FBXL20: variants seen among roughly 807,000 people sequenced by gnomAD.
FBXL20 encodes F-box/LRR-repeat protein 20.
Under a neutral mutation model 64.0 loss-of-function variants are expected in FBXL20, and 11 were observed. The ratio of observed to expected loss-of-function variants is 0.17; its 90% CI spans 0.11 to 0.28. The LOEUF (loss-of-function observed/expected upper bound fraction) is 0.28. Among genes scored for constraint, FBXL20 ranks in the 10% least tolerant of loss-of-function variants. FBXL20 has a pLI of 1.00. For missense variants in FBXL20, 303 were observed against 526.2 expected (o/e 0.58, Z 4.15); for synonymous variants, 184 against 189.0 (o/e 0.97, Z 0.22).
chr17:39,394,971 A>T (rs1368447222), intron 1 of FBXL20, among the ~76,000 whole-genome samples: 2 of 152,212 alleles, frequency 1.3e-5, no homozygotes, highest in Non-Finnish European at 2.9e-5. Flanking sequence ...GTAAGAAAGC[A>T]CTTATAAATT....
chr17:39,307,970 CAAAAAA>C (rs141151872), intron 2 of FBXL20, among the ~76,000 whole-genome samples: 1 of 87,604 alleles, frequency 1.1e-5, no homozygotes, highest in Non-Finnish European at 2.6e-5. Context: ...GACATCATTT[CAAAAAA>C]AAAAAAAAAA....
At chr17:39,311,680 G>A (rs1289516222) in intron 2 of FBXL20, among the ~76,000 whole-genome samples, 1 of 152,056 alleles carries the variant, frequency 6.6e-6, no homozygotes, top group Non-Finnish European at 1.5e-5. Context: ...TTGATGAAAT[G>A]CTGCTGCTTT....
intron 1 of FBXL20, among the ~76,000 whole-genome samples, chr17:39,372,516 C>CAAAA (rs747264126): frequency 3.2e-4 from 13 of 41,160 alleles, no homozygotes; most frequent in African/African-American, 8.3e-4. Flanking sequence ...AGACTCTGAC[C>CAAAA]AAAAAAAAAA....
rs2144315588 is a variant in FBXL20 at position 39,255,281 on chromosome 17, C to G, written c.*6179G>C. On this transcript the variant is annotated 3_prime_UTR_variant, in exon 15 of 15. Coordinates refer to ENST00000264658, the MANE Select transcript of FBXL20 (RefSeq NM_032875.3). ...TGAAACCCCGTCTCTACTAAAAATA[C>G]AAAAAATTAGCCGGGCGTGGTGGCG... 6.6e-6 allele frequency: 1 copy of G among 152,014 alleles called. No homozygotes were observed. Among genetic ancestry groups the G allele is most frequent in the East Asian group, 1.9e-4 (1 of 5,140 alleles). 9.4% of individuals were successfully genotyped at this position (152,014 alleles called of 1,614,324 possible).
At chr17:39,335,430 A>C (rs2144551373) in intron 2 of FBXL20, among the ~76,000 whole-genome samples, 1 of 152,112 alleles carries the variant, frequency 6.6e-6, no homozygotes, top group East Asian at 1.9e-4. Flanking sequence ...TAAAAATGCA[A>C]AAAATTAGCC....
chr17:39,332,393 C>G (rs113993336), intron 2 of FBXL20, among the ~76,000 whole-genome samples: 1 of 152,156 alleles, frequency 6.6e-6, no homozygotes, highest in East Asian at 1.9e-4. Context: ...GACAATATTT[C>G]ACATGTGTCG....
In FBXL20 at chr17:39,261,219, TTACCAATCTAC is replaced by T. The variant is rs2046742083; in HGVS notation, c.*230_*240del. 5.7e-5 allele frequency: 24 copies of T among 424,662 alleles called. No individual in the cohort carries two copies. Among genetic ancestry groups the T allele is most frequent in the South Asian group, 5.6e-4 (23 of 40,778 alleles). The allele number at this position is 424,662 out of a possible 1,614,324, so 26.3% of individuals were successfully genotyped here. On this transcript the variant is annotated 3_prime_UTR_variant, in exon 15 of 15. Transcript: ENST00000264658. ...GCACCTCAACAGGAATGGTTAAATT[TTACCAATCTAC>T]TTGATAAAAAAGCCATCACAAACTT...
chr17:39,334,344 G>A (rs1412361083), intron 2 of FBXL20, among the ~76,000 whole-genome samples: 2 of 151,968 alleles, frequency 1.3e-5, no homozygotes, highest in African/African-American at 2.4e-5. Context: ...GAAGGCAGCA[G>A]GGCCCACTGC....
upstream of FBXL20, chr17:39,401,874 G>C: frequency 5.0e-6 from 2 of 401,356 alleles, no homozygotes; most frequent in Non-Finnish European, 7.9e-6. Flanking sequence ...AGCCCATCGG[G>C]AGAAGGCGAG....
chr17:39,287,433 G>A lies in FBXL20; in HGVS notation c.399-1860C>T, dbSNP rs1367577252. Among the ~76,000 whole-genome samples the A allele has an allele frequency of 5.3e-5, 8 of 151,920 alleles. No homozygotes were observed. In the East Asian group the frequency reaches 1.6e-3, roughly 29 times the overall value. ...CTTTTTCTTTTTTTGTTACAGACAG[G>A]GTCTCACTCTGTCACCCTGGCTGGA... On this transcript the variant is annotated intron_variant, in intron 6 of 14. Coordinates refer to ENST00000264658, the MANE Select transcript of FBXL20 (RefSeq NM_032875.3).
chr17:39,378,301 A>G (rs965804007), intron 1 of FBXL20, among the ~76,000 whole-genome samples: 3 of 152,212 alleles, frequency 2.0e-5, no homozygotes, highest in African/African-American at 7.2e-5. Context: ...CAATAAAAAT[A>G]CAACTAACCC....
At chr17:39,370,750 G>C (rs1027710076) in intron 1 of FBXL20, among the ~76,000 whole-genome samples, 1 of 146,010 alleles carries the variant, frequency 6.8e-6, no homozygotes, top group Non-Finnish European at 1.5e-5. Context: ...AGCCGAGATC[G>C]CGCCACTGCA....
rs938701827 is a variant in FBXL20, at chr17:39,295,807, T to A, written c.398+1320A>T. Among the ~76,000 whole-genome samples the A allele has an allele frequency of 7.9e-5, 10 of 126,566 alleles. No homozygotes were observed. The South Asian group carries it at 8.8e-4, about 11-fold the overall frequency. The allele number at this position is 126,566 out of a possible 152,430, so 83.0% of individuals were successfully genotyped here. On this transcript the variant is annotated intron_variant, in intron 6 of 14. Coordinates refer to ENST00000264658, the MANE Select transcript of FBXL20 (RefSeq NM_032875.3). ...GAGATATATATATATATATATATAT[T>A]AAGTCTTCTGGCCCTATAAAAGGTG...
intron 2 of FBXL20, among the ~76,000 whole-genome samples, chr17:39,321,464 CAA>C (rs71147318): frequency 3.2e-4 from 28 of 88,204 alleles, no homozygotes; most frequent in Admixed American, 4.0e-4. Flanking sequence ...GAATCTGTCT[CAA>C]AAAAAAAAAA....
rs148323074 is a variant in FBXL20 at position 39,396,274 on chromosome 17, G to A, written c.42+5087C>T. Among the ~76,000 whole-genome samples the A allele has an allele frequency of 1.4e-3, 220 of 152,100 alleles. 1 individual carries two copies. The highest frequency in any genetic ancestry group is 3.5e-3 in the Admixed American group (54 of 15,258). On this transcript the variant is annotated intron_variant, in intron 1 of 14. Coordinates refer to ENST00000264658, the MANE Select transcript of FBXL20 (RefSeq NM_032875.3). ...ATTCTATCTCCCTCGCTTTACAGAA[G>A]AGGGAAATCACCAAGCTAGAAAAGT...
At chr17:39,315,465 C>A (rs1416573608) in intron 2 of FBXL20, among the ~76,000 whole-genome samples, 1 of 145,906 alleles carries the variant, frequency 6.9e-6, no homozygotes, top group Non-Finnish European at 1.5e-5. Context: ...TCTTCCTTTC[C>A]TTTGTTGAAA....
chr17:39,303,081 G>A (rs116505485), intron 3 of FBXL20, among the ~76,000 whole-genome samples: 2,459 of 151,926 alleles, frequency 0.016, 72 homozygotes, highest in African/African-American at 0.056. Flanking sequence ...TATGTGTTAC[G>A]CATGTATTCT....
Position 39,285,679 on chromosome 17 carries a change from TA to T in FBXL20, c.399-107del, listed in dbSNP as rs80073685. 1.3e-5 allele frequency: 7 copies of T among 551,100 alleles called. No individual in the cohort carries two copies. The East Asian group carries it at 2.5e-4, about 20-fold the overall frequency. 34.1% of individuals were successfully genotyped at this position (551,100 alleles called of 1,614,324 possible). A position where few individuals can be genotyped will look rare whatever the true frequency, so the allele number is the denominator to read the frequency against. ...AACACATGTGTATATATAAGAACTGTAAAATTTTCATACCCCTAAAAAAGCA... is the reference window on the plus strand; with the variant it reads ...AACACATGTGTATATATAAGAACTGTAAATTTTCATACCCCTAAAAAAGCA... On this transcript the variant is annotated intron_variant, in intron 6 of 14. Transcript: ENST00000264658.
chr17:39,270,898 G>A, intron 10 of FBXL20, 42 bp from the exon 11 acceptor site: 1 of 1,504,572 alleles, frequency 6.6e-7, no homozygotes, highest in Non-Finnish European at 9.0e-7. Flanking sequence ...CAAGCTCTTG[G>A]TCCCTGAAAA....
Sources: allele counts gnomAD v4.1 joint callset (sites outside exome capture counted in the v4.1 genomes callset), GRCh38; gene constraint gnomAD v4.1.1; transcripts MANE v1.5; gene names NCBI Gene and HGNC (gene_info 2026-07-23, HGNC 2026-07-21).